The following FHIT variants were observed in gnomAD, a reference collection of about 807,000 sequenced individuals.
The protein encoded by FHIT is fragile histidine triad diadenosine triphosphatase.
FHIT carries 19 observed loss-of-function variants against 17.9 expected under a neutral mutation model. The observed-to-expected ratio is 1.06, with a 90% CI of 0.74 to 1.56. The LOEUF is 1.56. Ranked by LOEUF, FHIT falls within the 40% of genes most tolerant of loss-of-function variation. The pLI, the probability that FHIT is intolerant of heterozygous loss-of-function variation, is 0.00. For synonymous variants in FHIT, 81 were observed against 69.7 expected, an observed-to-expected ratio of 1.16 and a Z score of -0.81; for missense variants, 248 against 189.2, an observed-to-expected ratio of 1.31 and a Z score of -1.82.
chr3:61,018,974 G>A (rs17064314), intron 3 of FHIT, among the ~76,000 whole-genome samples: 14,123 of 152,042 alleles, frequency 0.093, 1,573 homozygotes, highest in African/African-American at 0.27. Flanking sequence ...GAGATAAACC[G>A]GCAGTCATCC....
At chr3:60,940,342 A>G (rs188467263) in intron 3 of FHIT, among the ~76,000 whole-genome samples, 134 of 152,248 alleles carry the variant, frequency 8.8e-4, no homozygotes, top group African/African-American at 3.1e-3. Context: ...AATTTTATAG[A>G]ACAAAATCTA....
At chr3:60,964,942 G>A (rs1709647614) in intron 3 of FHIT, among the ~76,000 whole-genome samples, 1 of 152,088 alleles carries the variant, frequency 6.6e-6, no homozygotes, top group South Asian at 2.1e-4. Flanking sequence ...TATCTTTGTG[G>A]TTGTCTCTGT....
chr3:60,720,478 C>T (rs910171407), intron 4 of FHIT, among the ~76,000 whole-genome samples: 8 of 152,174 alleles, frequency 5.3e-5, no homozygotes, highest in African/African-American at 1.9e-4. Flanking sequence ...TGGTAGAGAG[C>T]AAGAGCTTAC....
At chr3:59,994,997 C>A (rs188395233) in intron 7 of FHIT, among the ~76,000 whole-genome samples, 39 of 151,978 alleles carry the variant, frequency 2.6e-4, no homozygotes, top group African/African-American at 9.4e-4. Context: ...GTTGTGGGTA[C>A]GAAAGGAGAG....
Position 60,840,304 on chromosome 3 carries a change from C to A in FHIT, c.-110-18293G>T, listed in dbSNP as rs57314888. On this transcript the variant is annotated intron_variant, in intron 3 of 9. Coordinates refer to ENST00000492590, the MANE Select transcript of FHIT (RefSeq NM_002012.4). ...ATGATTTTTCTTCTAATTTTCACAT[C>A]TTTCATGATGTATCTTTTGTTTTTT... is the stretch of plus-strand genomic sequence containing the variant. Among the ~76,000 whole-genome samples the A allele has an allele frequency of 8.2e-3, 1,250 of 152,234 alleles. 19 individuals carry two copies. The highest frequency in any genetic ancestry group is 0.027 in the African/African-American group (1,141 of 41,528).
intron 8 of FHIT, among the ~76,000 whole-genome samples, chr3:59,792,078 G>A (rs1484789727): frequency 6.7e-6 from 1 of 149,730 alleles, no homozygotes; most frequent in East Asian, 2.0e-4. Context: ...CTATGTCTTG[G>A]TTTTAATCAT....
chr3:61,021,632 C>T (rs113827598), intron 3 of FHIT, among the ~76,000 whole-genome samples: 1 of 143,768 alleles, frequency 7.0e-6, no homozygotes, highest in African/African-American at 2.6e-5. Flanking sequence ...GAACAGAAAT[C>T]ATAACAAACT....
chr3:60,178,846 C>G (rs1443575201), intron 5 of FHIT, among the ~76,000 whole-genome samples: 1 of 152,050 alleles, frequency 6.6e-6, no homozygotes, highest in Non-Finnish European at 1.5e-5. Flanking sequence ...ATTAAAGACC[C>G]TGAGAAGTTC....
At chr3:60,967,751 T>A (rs1029821767) in intron 3 of FHIT, among the ~76,000 whole-genome samples, 1 of 152,196 alleles carries the variant, frequency 6.6e-6, no homozygotes, top group Non-Finnish European at 1.5e-5. Flanking sequence ...ACATTCATCA[T>A]GGAAACTAAA....
intron 5 of FHIT, among the ~76,000 whole-genome samples, chr3:60,192,434 C>T (rs1413637235): frequency 1.3e-5 from 2 of 152,078 alleles, no homozygotes; most frequent in African/African-American, 4.8e-5. Flanking sequence ...TGAAAGCCAA[C>T]AGAGACTCAT....
chr3:61,212,970 C>T (rs933010739), intron 1 of FHIT, among the ~76,000 whole-genome samples: 4 of 152,166 alleles, frequency 2.6e-5, no homozygotes, highest in African/African-American at 9.7e-5. Flanking sequence ...GATTTTCTCA[C>T]CACCAGGCCT....
intron 3 of FHIT, among the ~76,000 whole-genome samples, chr3:60,984,111 GA>G (rs1710614661): frequency 6.6e-6 from 1 of 152,170 alleles, no homozygotes; most frequent in Non-Finnish European, 1.5e-5. Context: ...CAGGAAAAGA[GA>G]ATGCCATTCA....
chr3:60,673,516 G>A (rs997125914), intron 4 of FHIT, among the ~76,000 whole-genome samples: 1 of 151,910 alleles, frequency 6.6e-6, no homozygotes, highest in African/African-American at 2.4e-5. Flanking sequence ...GGCCTGTCTG[G>A]GGTGGGATGG....
chr3:60,824,780 C>A (rs1338160421), intron 3 of FHIT, among the ~76,000 whole-genome samples: 1 of 152,154 alleles, frequency 6.6e-6, no homozygotes, highest in Non-Finnish European at 1.5e-5. Context: ...TCTCTCTGCA[C>A]AAGCTCTCTA....
At chr3:60,550,981 G>A (rs1029454719) in intron 4 of FHIT, among the ~76,000 whole-genome samples, 1 of 152,138 alleles carries the variant, frequency 6.6e-6, no homozygotes, top group Non-Finnish European at 1.5e-5. Flanking sequence ...GGCTGCCTAA[G>A]TGTCAAAGGA....
At chr3:60,336,480 A>G (rs1407163576) in intron 5 of FHIT, among the ~76,000 whole-genome samples, 1 of 152,192 alleles carries the variant, frequency 6.6e-6, no homozygotes, top group Non-Finnish European at 1.5e-5. Flanking sequence ...TTGGAACTTG[A>G]AAATAGTTTA....
chr3:60,043,340 T>A (rs1227017594), intron 5 of FHIT, among the ~76,000 whole-genome samples: 1 of 152,264 alleles, frequency 6.6e-6, no homozygotes, highest in African/African-American at 2.4e-5. Context: ...TCTTGCCTGG[T>A]TGGAGATAAT....
intron 2 of FHIT, among the ~76,000 whole-genome samples, chr3:61,073,079 G>A (rs923865531): frequency 2.6e-5 from 4 of 151,976 alleles, no homozygotes; most frequent in Non-Finnish European, 5.9e-5. Flanking sequence ...CTAAAAATTC[G>A]AGGCCTTCTA....
Position 59,851,803 on chromosome 3 carries a change from T to C in FHIT, c.348+70543A>G, listed in dbSNP as rs529406973. Among the ~76,000 whole-genome samples, 187 of 152,344 alleles carry C rather than the reference T, an allele frequency of 1.2e-3. 3 individuals carry two copies. The South Asian group carries it at 0.037, about 30-fold the overall frequency. On this transcript the variant is annotated intron_variant, in intron 8 of 9. Coordinates refer to ENST00000492590, the MANE Select transcript of FHIT (RefSeq NM_002012.4). The stretch of plus-strand genomic sequence containing the variant: ...AGTTTCTTCTTGGAGGTGTTATTTT[T>C]AAACTGCAAGATTAAAGCTCCTACA...
Sources: allele counts gnomAD v4.1 joint callset (sites outside exome capture counted in the v4.1 genomes callset), GRCh38; gene constraint gnomAD v4.1.1; transcripts MANE v1.5; gene names NCBI Gene and HGNC (gene_info 2026-07-23, HGNC 2026-07-21).